Variants in GMEB2 observed in about 807,000 individuals in gnomAD.
The protein encoded by GMEB2 is glucocorticoid modulatory element binding protein 2, also known as glucocorticoid modulatory element-binding protein 2.
GMEB2 carries 7 observed loss-of-function variants against 45.7 expected under a neutral mutation model. That is an observed-to-expected ratio of 0.15 (90% CI 0.09 to 0.29). The LOEUF is 0.29. GMEB2 is among the 10% of genes least tolerant of loss of function. The pLI, the probability that GMEB2 is intolerant of heterozygous loss-of-function variation, is 1.00. For missense variants in GMEB2, 582 were observed against 739.2 expected (o/e 0.79, Z 2.47); for synonymous variants, 322 against 323.6 (o/e 1.00, Z 0.05).
intron 2 of GMEB2, among the ~76,000 whole-genome samples, chr20:63,614,199 TTCA>T (rs2089591364): frequency 6.6e-6 from 1 of 152,214 alleles, no homozygotes; most frequent in African/African-American, 2.4e-5. Flanking sequence ...ATGAATATCA[TTCA>T]TCATTAGTTT....
intron 2 of GMEB2, among the ~76,000 whole-genome samples, chr20:63,618,837 C>G (rs1054918426): frequency 1.3e-5 from 2 of 152,194 alleles, no homozygotes; most frequent in Non-Finnish European, 2.9e-5. Flanking sequence ...GCAGTTTGGG[C>G]AAATGTTAGC....
At chr20:63,626,537 G>A (rs1394008832) in intron 1 of GMEB2, among the ~76,000 whole-genome samples, 11 of 145,520 alleles carry the variant, frequency 7.6e-5, no homozygotes, top group Admixed American at 6.8e-4. Flanking sequence ...CTGTGGGGTG[G>A]CCCCTGCGGG....
At chr20:63,612,522 A>C (rs1252172654) in intron 2 of GMEB2, among the ~76,000 whole-genome samples, 1 of 152,226 alleles carries the variant, frequency 6.6e-6, no homozygotes, top group African/African-American at 2.4e-5. Flanking sequence ...TGGAAATGTC[A>C]TTCTGTGGCC....
chr20:63,626,906 AG>A (rs1274717364), intron 1 of GMEB2, 49 bp downstream of exon 1: 1 of 145,340 alleles, frequency 6.9e-6, no homozygotes, highest in East Asian at 2.0e-4. Context: ...GCGTGAGCGG[AG>A]CGAGAGGCCT....
At chr20:63,606,576 T>C (rs1396736303) in intron 2 of GMEB2, among the ~76,000 whole-genome samples, 2 of 152,184 alleles carry the variant, frequency 1.3e-5, no homozygotes, top group Non-Finnish European at 2.9e-5. Flanking sequence ...CTCGATCTCC[T>C]GACCTCGTGA....
chr20:63,610,865 T>C (rs1276636601), intron 2 of GMEB2, among the ~76,000 whole-genome samples: 1 of 152,206 alleles, frequency 6.6e-6, no homozygotes, highest in Non-Finnish European at 1.5e-5. Context: ...TGAAGAGCTT[T>C]GACCAAGAGG....
rs1199669742 is a variant in GMEB2, at chr20:63,622,194, CATT to C, written c.-57-2743_-57-2741del. On this transcript the variant is annotated intron_variant, in intron 1 of 9. Transcript: ENST00000370077. Reference sequence around the variant, plus strand: ...AATCTTCCAGAACTTTTAAAATCATCATTGTTAATATAAAAATAACATCACCTG... The same window carrying C: ...AATCTTCCAGAACTTTTAAAATCATCGTTAATATAAAAATAACATCACCTG... Among the ~76,000 whole-genome samples the C allele has an allele frequency of 2.2e-4, 33 of 152,220 alleles. No individual in the cohort carries two copies. In the East Asian group the frequency reaches 4.4e-3, roughly 20 times the overall value.
At position 63,589,018 on chromosome 20, in the gene GMEB2, G is replaced by C. The variant is rs1600998722; in HGVS notation, c.*1071C>G. 2.5e-6 allele frequency: 1 copy of C among 398,882 alleles called. No homozygotes were observed. The highest frequency in any genetic ancestry group is 3.6e-5 in the East Asian group (1 of 28,106). 24.7% of individuals were successfully genotyped at this position (398,882 alleles called of 1,614,324 possible). ...ACACCCAGGGGCTCTCCCTTGGACAGAGACCACCAAGGGCCAGCCCAGGGG... is the reference window on the plus strand; with the variant it reads ...ACACCCAGGGGCTCTCCCTTGGACACAGACCACCAAGGGCCAGCCCAGGGG... On this transcript the variant is annotated 3_prime_UTR_variant, in exon 10 of 10. Transcript: ENST00000370077.
chr20:63,605,410 G>A (rs1039073414), intron 2 of GMEB2, among the ~76,000 whole-genome samples: 3 of 151,036 alleles, frequency 2.0e-5, no homozygotes, highest in Admixed American at 6.6e-5. Flanking sequence ...GCTCGAGCCC[G>A]TAATCCCAGC....
Position 63,602,945 on chromosome 20 carries a change from T to C in GMEB2, c.357+20A>G. 2 of 1,612,200 alleles carry C rather than the reference T, an allele frequency of 1.2e-6. No homozygotes were observed. The highest frequency in any genetic ancestry group is 1.7e-6 in the Non-Finnish European group (2 of 1,178,658). ...ACCATGAGGCCTCTCTCCTGGGCCC[T>C]GAATGCAGCCTGTGCTCACCTGAAC... On this transcript the variant is annotated intron_variant, in intron 4 of 9. Transcript: ENST00000370077.
chr20:63,618,401 C>T (rs1427247189), intron 2 of GMEB2, among the ~76,000 whole-genome samples: 2 of 152,124 alleles, frequency 1.3e-5, no homozygotes, highest in Non-Finnish European at 2.9e-5. Context: ...GCCTCGGGTC[C>T]AACAACAGGC....
chr20:63,591,932 C>A, intron 9 of GMEB2, 90 bp downstream of exon 9: 3 of 1,130,386 alleles, frequency 2.7e-6, no homozygotes, highest in Non-Finnish European at 3.8e-6. Context: ...CCAGGAAGTG[C>A]AGGTGGATGC....
intron 4 of GMEB2, among the ~76,000 whole-genome samples, chr20:63,601,370 A>G (rs2083240169): frequency 6.6e-6 from 1 of 151,750 alleles, no homozygotes; most frequent in South Asian, 2.1e-4. Context: ...GATGTGTTTG[A>G]CTCTCGTGCT....
At position 63,590,425 on chromosome 20, in the gene GMEB2, G is replaced by T; in HGVS notation, c.1257C>A (p.Pro419=). The T allele has an allele frequency of 6.4e-7, 1 of 1,555,478 alleles. No homozygotes were observed. Among genetic ancestry groups the T allele is most frequent in the East Asian group, 2.3e-5 (1 of 43,072 alleles). Residue 419 remains proline, a synonymous_variant, in exon 10 of 10, where the codon CCC becomes CCA. Coordinates refer to ENST00000370077, the MANE Select transcript of GMEB2 (RefSeq NM_012384.5). Reference sequence around the variant, plus strand: ...GCAGCGGGGAGGCCGGGGAGCTGGCGGGGGGCGCCTGAAGGGAACCCTTGC... The same window carrying T: ...GCAGCGGGGAGGCCGGGGAGCTGGCTGGGGGCGCCTGAAGGGAACCCTTGC... ...VLGKGSLQAP[P]ASSPASPLLG...
chr20:63,609,027 T>C (rs7363003), intron 2 of GMEB2, among the ~76,000 whole-genome samples: 4,318 of 11,984 alleles, frequency 0.36, 983 homozygotes, highest in Non-Finnish European at 0.67. Context: ...TAGAAACATG[T>C]CCCTCTGACC....
At chr20:63,614,586 A>G (rs923852629) in intron 2 of GMEB2, among the ~76,000 whole-genome samples, 8 of 152,138 alleles carry the variant, frequency 5.3e-5, no homozygotes, top group Non-Finnish European at 1.5e-5. Context: ...AGGGCCTGAC[A>G]TCAGTCAGGC....
At chr20:63,614,068 T>C (rs1416824932) in intron 2 of GMEB2, among the ~76,000 whole-genome samples, 3 of 151,988 alleles carry the variant, frequency 2.0e-5, no homozygotes, top group African/African-American at 7.3e-5. Flanking sequence ...TGGACCCTGG[T>C]ATGGGCGGCA....
chr20:63,616,114 G>C (rs989098545), intron 2 of GMEB2, among the ~76,000 whole-genome samples: 1 of 151,680 alleles, frequency 6.6e-6, no homozygotes, highest in Non-Finnish European at 1.5e-5. Context: ...ATTTTTTAAA[G>C]GCTGTACAAA....
rs2083251512 is a variant in GMEB2 at position 63,602,880 on chromosome 20, A to T, written c.357+85T>A. 8.1e-5 allele frequency: 101 copies of T among 1,239,864 alleles called. 1 individual carries two copies. In the South Asian group the frequency reaches 1.3e-3, roughly 16 times the overall value. The allele number at this position is 1,239,864 out of a possible 1,614,324, so 76.8% of individuals were successfully genotyped here. On this transcript the variant is annotated intron_variant, in intron 4 of 9. Coordinates refer to ENST00000370077, the MANE Select transcript of GMEB2 (RefSeq NM_012384.5). ...CCAGCCCTGGAGACCCTGCCTCAGG[A>T]TGCACTCAGCACAGCTGCACCCCCA...
Sources: allele counts gnomAD v4.1 joint callset (sites outside exome capture counted in the v4.1 genomes callset), GRCh38; gene constraint gnomAD v4.1.1; transcripts MANE v1.5; gene names NCBI Gene and HGNC (gene_info 2026-07-23, HGNC 2026-07-21).